ZNF469: variants seen among roughly 807,000 people sequenced by gnomAD.
ZNF469 encodes zinc finger protein 469.
A neutral mutation model predicts 1.0 loss-of-function variants in ZNF469; 1 was observed. The observed-to-expected ratio is 1.00, with a 90% CI of 0.35 to 4.73. The LOEUF is 4.73. ZNF469 is among the 30% of genes most tolerant of loss of function. ZNF469 has a pLI of 0.16. For missense variants in ZNF469, 6,100 were observed against 5,356.3 expected, an observed-to-expected ratio of 1.14 and a Z score of -4.33; for synonymous variants, 2,703 against 2,363.4, an observed-to-expected ratio of 1.14 and a Z score of -4.17.
At chr16:88,349,365 TCA>T in the ZNF469 span, among the ~76,000 whole-genome samples, 4 of 147,570 alleles carry the variant, frequency 2.7e-5, no homozygotes, top group Admixed American at 2.7e-4. Context: ...TACACACATA[TCA>T]CACACACACA....
the ZNF469 span, among the ~76,000 whole-genome samples, chr16:88,214,634 C>A: frequency 6.6e-6 from 1 of 152,238 alleles, no homozygotes; most frequent in African/African-American, 2.4e-5. Flanking sequence ...AGGTATTTCT[C>A]CTAATGTTAT....
upstream of ZNF469, among the ~76,000 whole-genome samples, chr16:88,380,432 CACAT>C (rs1301624680): frequency 4.1e-5 from 6 of 147,906 alleles, no homozygotes; most frequent in Non-Finnish European, 8.9e-5. Context: ...GATGCATTCA[CACAT>C]ACACAGTCAC....
chr16:88,309,033 C>A, the ZNF469 span, among the ~76,000 whole-genome samples: 4 of 151,948 alleles, frequency 2.6e-5, no homozygotes, highest in Admixed American at 2.0e-4. Context: ...TTTCCTCTCC[C>A]CTGCCCAGGG....
the ZNF469 span, among the ~76,000 whole-genome samples, chr16:88,168,115 T>A: frequency 6.6e-6 from 1 of 152,256 alleles, no homozygotes; most frequent in African/African-American, 2.4e-5. This position sits in a 1 kb window ranked among gnomAD's most constrained non-coding sequence, Gnocchi z 4.3. Flanking sequence ...TTGTAAGAGC[T>A]AATTGGCACC....
the ZNF469 span, among the ~76,000 whole-genome samples, chr16:88,297,345 T>A: frequency 6.6e-6 from 1 of 152,002 alleles, no homozygotes; most frequent in East Asian, 1.9e-4. Context: ...CAAAGACGGG[T>A]GCGTGCATGA....
the ZNF469 span, among the ~76,000 whole-genome samples, chr16:88,346,274 A>G: frequency 6.6e-6 from 1 of 152,202 alleles, no homozygotes; most frequent in Non-Finnish European, 1.5e-5. Context: ...TGGCCCGTTC[A>G]TCTCGGGAGA....
the ZNF469 span, among the ~76,000 whole-genome samples, chr16:88,200,050 C>T: frequency 6.6e-5 from 10 of 152,170 alleles, no homozygotes; most frequent in Admixed American, 6.5e-5. Context: ...GGCTTTGGGA[C>T]GGTCAAACAG....
In ZNF469 at chr16:88,432,370, A is replaced by G. The variant is rs1331554496; in HGVS notation, c.4900A>G (p.Thr1634Ala). ...TGACCTCACGCGCGTTGGAGAATCC[A>G]CTGCACATCGGGAGGGTGCGGAATC... ...AADLTRVGES[T>A]AHREGAESAV... The change falls in exon 3 of 3, where the codon ACT becomes GCT. Residue 1634 changes from threonine (T) to alanine (A), a missense_variant. Thr to Ala is a moderately conservative substitution (Grantham distance 58, BLOSUM62 0). Transcript: ENST00000565624. 1.3e-6 allele frequency: 2 copies of G among 1,548,814 alleles called. No individual in the cohort carries two copies. The highest frequency in any genetic ancestry group is 1.7e-6 in the Non-Finnish European group (2 of 1,146,564).
intron 1 of ZNF469, among the ~76,000 whole-genome samples, chr16:88,384,469 C>T (rs2092532933): frequency 6.6e-6 from 1 of 152,106 alleles, no homozygotes; most frequent in Non-Finnish European, 1.5e-5. Flanking sequence ...GAAGCTGGGG[C>T]GGAGCTGCAG....
chr16:88,288,612 G>A, the ZNF469 span, among the ~76,000 whole-genome samples: 1 of 152,186 alleles, frequency 6.6e-6, no homozygotes, highest in Non-Finnish European at 1.5e-5. Flanking sequence ...TCAAAAACAA[G>A]CTCTTCTGCC....
chr16:88,212,639 G>C, the ZNF469 span, among the ~76,000 whole-genome samples: 1 of 152,042 alleles, frequency 6.6e-6, no homozygotes, highest in Non-Finnish European at 1.5e-5. Context: ...GGAGTGAGGT[G>C]GTGCCATCTT....
At chr16:88,137,967 A>G in the ZNF469 span, among the ~76,000 whole-genome samples, 5,900 of 152,218 alleles carry the variant, frequency 0.039, 385 homozygotes, top group African/African-American at 0.13. Context: ...GAGCCGGGTT[A>G]AAGCAACAAC....
rs1320411909 is a variant in ZNF469, at chr16:88,429,657, G to T, written c.2187G>T (p.Val729=). ...GCGCCAGCCTGGACCAGCTGGACGT[G>T]CTGCTGACCTGCAGGCAGTGTGACC... ...LSSASLDQLD[V]LLTCRQCDRN... The change falls in exon 3 of 3, where the codon GTG becomes GTT. Residue 729 remains valine, a synonymous_variant. Coordinates refer to ENST00000565624, the MANE Select transcript of ZNF469 (RefSeq NM_001367624.2). 1.3e-6 allele frequency: 2 copies of T among 1,542,420 alleles called. No homozygotes were observed. The highest frequency in any genetic ancestry group is 1.4e-5 in the African/African-American group (1 of 72,906).
chr16:88,211,587 T>C, the ZNF469 span, among the ~76,000 whole-genome samples: 2 of 152,346 alleles, frequency 1.3e-5, no homozygotes, highest in Admixed American at 6.5e-5. Flanking sequence ...TGTACTGATT[T>C]CTCGGTGTCT....
the ZNF469 span, among the ~76,000 whole-genome samples, chr16:88,126,905 T>C: frequency 6.6e-6 from 1 of 152,040 alleles, no homozygotes; most frequent in South Asian, 2.1e-4. Context: ...CTGCAACCTC[T>C]GTCCCCCGGG....
chr16:88,341,943 C>T, the ZNF469 span, among the ~76,000 whole-genome samples: 8 of 152,130 alleles, frequency 5.3e-5, no homozygotes, highest in African/African-American at 9.7e-5. Context: ...GGTGTCGGGG[C>T]GGCCAGCATT....
chr16:88,230,243 T>G, the ZNF469 span, among the ~76,000 whole-genome samples: 2 of 152,226 alleles, frequency 1.3e-5, no homozygotes, highest in South Asian at 4.1e-4. Context: ...CCCTTCCACC[T>G]TCAGCTGGAG....
the ZNF469 span, among the ~76,000 whole-genome samples, chr16:88,154,365 CA>C: frequency 5.3e-5 from 8 of 152,188 alleles, no homozygotes; most frequent in Admixed American, 5.2e-4. Flanking sequence ...GGGGTTTCGC[CA>C]TGTTGGCCAG....
chr16:88,139,086 T>C, the ZNF469 span, among the ~76,000 whole-genome samples: 3 of 152,226 alleles, frequency 2.0e-5, no homozygotes, highest in African/African-American at 7.2e-5. Context: ...CGGGAAAGCT[T>C]TCAGGACTAG....
Sources: gnomAD v4.1 joint callset for allele counts (sites outside exome capture counted in the v4.1 genomes callset) on GRCh38, gnomAD v4.1.1 for gene constraint, Gnocchi (gnomAD v3.1) non-coding constraint, MANE v1.5 for transcripts, NCBI Gene and HGNC (gene_info 2026-07-23, HGNC 2026-07-21) for gene names.